The following POLR1B variants were observed in gnomAD, a reference collection of about 807,000 sequenced individuals.
The protein encoded by POLR1B is RNA polymerase I subunit B.
Under a neutral mutation model 105.8 loss-of-function variants are expected in POLR1B, and 30 were observed. The observed-to-expected ratio is 0.28, with a 90% CI of 0.21 to 0.38. POLR1B has a LOEUF of 0.38. POLR1B is among the 10% of genes least tolerant of loss of function. The probability of loss-of-function intolerance (pLI) is 1.00; values close to 1 mark genes in which losing one functional copy is unlikely to be tolerated. For synonymous variants in POLR1B, 485 were observed against 505.1 expected (o/e 0.96, Z 0.53); for missense variants, 976 against 1,435.8 (o/e 0.68, Z 5.17).
rs908311007 is a variant in POLR1B, at chr2:112,576,474, G to C, written c.*745G>C. 1.3e-5 allele frequency: 2 copies of C among 152,090 alleles called. No individual in the cohort carries two copies. Among genetic ancestry groups the C allele is most frequent in the African/African-American group, 4.8e-5 (2 of 41,392 alleles). The allele number at this position is 152,090 out of a possible 1,614,324, so 9.4% of individuals were successfully genotyped here. ...TACAACAGATCTTTAGACCTTACTT[G>C]TCTTGCATAACTGAAGCTTTATACC... On this transcript the variant is annotated 3_prime_UTR_variant, in exon 15 of 15. Transcript: ENST00000263331.
Position 112,572,692 on chromosome 2 carries a change from T to C in POLR1B, c.2205T>C (p.Tyr735=). ...SMYDYYDMDN[Y]PIGTNAIVAV... ...ATGATTATTATGACATGGATAACTA[T>C]CCAATTGGGACCAATGCCATCGTTG... Residue 735 remains tyrosine, a synonymous_variant, in exon 13 of 15, where the codon TAT becomes TAC. Transcript: ENST00000263331. The C allele has an allele frequency of 6.2e-7, 1 of 1,613,276 alleles. No individual in the cohort carries two copies. Among genetic ancestry groups the C allele is most frequent in the Non-Finnish European group, 8.5e-7 (1 of 1,179,660 alleles).
At chr2:112,567,749 A>C (rs1684367145) in intron 10 of POLR1B, among the ~76,000 whole-genome samples, 1 of 152,218 alleles carries the variant, frequency 6.6e-6, no homozygotes. Context: ...CACAGAGGAC[A>C]GAATTTCCTT....
chr2:112,574,862 T>G lies in POLR1B; in HGVS notation c.2541T>G (p.Cys847Trp). 6.2e-7 allele frequency: 1 copy of G among 1,607,910 alleles called. No homozygotes were observed. The highest frequency in any genetic ancestry group is 8.5e-7 in the Non-Finnish European group (1 of 1,174,970). ...FVMYYKSKEN[C>W]VVDNIKVCSN... ...TTTTTCCTAGGAGTAAAGAAAATTG[T>G]GTTGTGGATAACATCAAAGTGTGCA... Residue 847 changes from cysteine to tryptophan, a missense_variant, in exon 15 of 15, where the codon TGT becomes TGG. Transcript: ENST00000263331.
chr2:112,574,658 G>C (rs1684767231), intron 14 of POLR1B, among the ~76,000 whole-genome samples, 189 bp from the exon 15 acceptor site: 1 of 149,584 alleles, frequency 6.7e-6, no homozygotes, highest in Non-Finnish European at 1.5e-5. Context: ...GAAAGTCAAG[G>C]CTGCAGTGAG....
At chr2:112,568,658 GTCTT>G in intron 11 of POLR1B, 84 bp from the exon 12 acceptor site, 1 of 1,451,148 alleles carries the variant, frequency 6.9e-7, no homozygotes, top group East Asian at 2.3e-5. Flanking sequence ...TTTCTCTTGA[GTCTT>G]TGAGTACTGA....
In POLR1B at chr2:112,572,576, G is replaced by A; in HGVS notation, c.2089G>A (p.Gly697Ser). ...TCTCCATGTAGGTAAGCAAACTATG[G>A]GCTTTCCACTTCTCACTTATCAAGA... is the stretch of plus-strand genomic sequence containing the variant. ...YQCQMGKQTM[G>S]FPLLTYQDRS... Residue 697 changes from glycine (G) to serine (S), a missense_variant, in exon 13 of 15, where the codon GGC becomes AGC. Physicochemically the swap from Gly to Ser is moderately conservative, Grantham distance 56. Coordinates refer to ENST00000263331, the MANE Select transcript of POLR1B (RefSeq NM_019014.6). 3 of 1,578,326 alleles carry A rather than the reference G, an allele frequency of 1.9e-6. No individual in the cohort carries two copies. The highest frequency in any genetic ancestry group is 2.6e-6 in the Non-Finnish European group (3 of 1,162,502).
chr2:112,544,183 C>A (rs546864656), intron 1 of POLR1B, among the ~76,000 whole-genome samples: 1 of 151,994 alleles, frequency 6.6e-6, no homozygotes, highest in East Asian at 1.9e-4. Context: ...GTAATCCCTG[C>A]ACTTTGGGAG....
In POLR1B at chr2:112,579,208, C is replaced by CAAAAAAAAAAAAAAAAAAAAAA. The variant is rs56190123; in HGVS notation, c.*3490_*3511dup. Among the ~76,000 whole-genome samples the CAAAAAAAAAAAAAAAAAAAAAA allele has an allele frequency of 1.7e-5, 1 of 58,664 alleles. No homozygotes were observed. Among genetic ancestry groups the CAAAAAAAAAAAAAAAAAAAAAA allele is most frequent in the Non-Finnish European group, 2.8e-5 (1 of 35,214 alleles). The allele number at this position is 58,664 out of a possible 152,430, so 38.5% of individuals were successfully genotyped here. A position where few individuals can be genotyped will look rare whatever the true frequency, so the allele number is the denominator to read the frequency against. The stretch of plus-strand genomic sequence containing the variant: ...GGGCAACAGAGCAAGACTAGAGTCT[C>CAAAAAAAAAAAAAAAAAAAAAA]AAAAAAAAAAAAAAAAAAAAAAAAA... On this transcript the variant is annotated 3_prime_UTR_variant, in exon 15 of 15. Transcript: ENST00000263331.
In POLR1B at chr2:112,552,707, C is replaced by T. The variant is rs372536940; in HGVS notation, c.1049C>T (p.Thr350Met). 30 of 1,611,708 alleles carry T rather than the reference C, an allele frequency of 1.9e-5. No individual in the cohort carries two copies. Among genetic ancestry groups the T allele is most frequent in the African/African-American group, 5.4e-5 (4 of 74,644 alleles). Reference protein sequence around the residue: ...TEKFYMLCLMTRKLFALAKGE... With the variant: ...TEKFYMLCLMMRKLFALAKGE... ...AAGTTTTATATGCTTTGTCTCATGA[C>T]GCGAAAGCTCTTTGCTTTAGCCAAA... Residue 350 changes from threonine to methionine, a missense_variant, in exon 7 of 15, where the codon ACG becomes ATG. Thr to Met is a moderately conservative substitution (Grantham distance 81, BLOSUM62 -1). Around this residue, in one of 12 missense-constraint regions of POLR1B, gnomAD observed 452 missense variants for 616.5 expected, o/e 0.73. Coordinates refer to ENST00000263331, the MANE Select transcript of POLR1B (RefSeq NM_019014.6).
Position 112,564,483 on chromosome 2 carries a change from C to A in POLR1B, c.1730C>A (p.Ser577Tyr). The A allele has an allele frequency of 6.2e-7, 1 of 1,614,234 alleles. No homozygotes were observed. Among genetic ancestry groups the A allele is most frequent in the Non-Finnish European group, 8.5e-7 (1 of 1,180,038 alleles). The change falls in exon 10 of 15, where the codon TCT becomes TAT. Residue 577 changes from serine (S) to tyrosine (Y), a missense_variant. Around this residue, in one of 12 missense-constraint regions of POLR1B, gnomAD observed 184 missense variants for 197.4 expected, o/e 0.93. Transcript: ENST00000263331. ...DKDLAPGIAD[S>Y]LRHFKVLREK... is the part of the protein sequence containing the mutation. ...GATCTTGCTCCAGGCATCGCAGATT[C>A]TCTTCGTCATTTTAAGGTGGGCTTG...
chr2:112,542,601 A>G lies in POLR1B; in HGVS notation c.107A>G (p.Gln36Arg). Residue 36 changes from glutamine to arginine, a missense_variant, in exon 1 of 15, where the codon CAG becomes CGG. Physicochemically the swap from Gln to Arg is conservative, Grantham distance 43. Around this residue, in one of 12 missense-constraint regions of POLR1B, gnomAD observed 452 missense variants for 616.5 expected, o/e 0.73. Transcript: ENST00000263331. ...IPREQQKAAL[Q>R]ELTRAHVESF... is the part of the protein sequence containing the mutation. Reference sequence around the variant, plus strand: ...CGGGAACAGCAAAAGGCAGCGTTGCAGGAGCTGACGCGGGCGCACGTGGAG... The same window carrying G: ...CGGGAACAGCAAAAGGCAGCGTTGCGGGAGCTGACGCGGGCGCACGTGGAG... 1 of 1,614,180 alleles carries G rather than the reference A, an allele frequency of 6.2e-7. No homozygotes were observed.
rs56190123 is a variant in POLR1B at position 112,579,208 on chromosome 2, C to CAAAAAAAAAAAAAAAAAAAAAAAA, written c.*3488_*3511dup. On this transcript the variant is annotated 3_prime_UTR_variant, in exon 15 of 15. Transcript: ENST00000263331. ...GGGCAACAGAGCAAGACTAGAGTCT[C>CAAAAAAAAAAAAAAAAAAAAAAAA]AAAAAAAAAAAAAAAAAAAAAAAAA... 3.4e-5 allele frequency among the ~76,000 whole-genome samples: 2 copies of CAAAAAAAAAAAAAAAAAAAAAAAA among 58,664 alleles called. No homozygotes were observed. Among genetic ancestry groups the CAAAAAAAAAAAAAAAAAAAAAAAA allele is most frequent in the Non-Finnish European group, 5.7e-5 (2 of 35,214 alleles). The allele number at this position is 58,664 out of a possible 152,430, so 38.5% of individuals were successfully genotyped here.
intron 7 of POLR1B, among the ~76,000 whole-genome samples, chr2:112,556,295 T>G (rs1160870040): frequency 6.6e-6 from 1 of 152,252 alleles, no homozygotes; most frequent in Non-Finnish European, 1.5e-5. Flanking sequence ...GCTAACAGCT[T>G]CCTTCACTCC....
intron 6 of POLR1B, 92 bp from the exon 7 acceptor site, chr2:112,552,553 G>A: frequency 7.8e-7 from 1 of 1,280,818 alleles, no homozygotes; most frequent in Non-Finnish European, 1.1e-6. Flanking sequence ...TTAAAGTTAA[G>A]TAAGCATGAG....
intron 12 of POLR1B, among the ~76,000 whole-genome samples, chr2:112,570,332 G>A (rs1239865155): frequency 6.6e-6 from 1 of 152,166 alleles, no homozygotes; most frequent in East Asian, 1.9e-4. Context: ...ACAGGTGTGA[G>A]CCACTGCACC....
chr2:112,573,737 G>C lies in POLR1B; in HGVS notation c.2447G>C (p.Gly816Ala), dbSNP rs1574138933. 6.2e-7 allele frequency: 1 copy of C among 1,614,220 alleles called. No individual in the cohort carries two copies. Among genetic ancestry groups the C allele is most frequent in the Non-Finnish European group, 8.5e-7 (1 of 1,180,032 alleles). Reference sequence around the variant, plus strand: ...GATGACGATGGATTGCCGTTTATAGGAGCAAAACTGCAGTACGGAGATCCG... The same window carrying C: ...GATGACGATGGATTGCCGTTTATAGCAGCAAAACTGCAGTACGGAGATCCG... ...KLDDDGLPFI[G>A]AKLQYGDPYY... Residue 816 changes from glycine to alanine, a missense_variant, in exon 14 of 15, where the codon GGA becomes GCA. Physicochemically the swap from Gly to Ala is moderately conservative, Grantham distance 60 (BLOSUM62 0). This residue lies in a region of POLR1B where 119 missense variants were observed against 149.7 expected (regional missense o/e 0.79). Coordinates refer to ENST00000263331, the MANE Select transcript of POLR1B (RefSeq NM_019014.6).
rs749384903 is a variant in POLR1B at position 112,559,511 on chromosome 2, G to A, written c.1549G>A (p.Val517Ile). ...TGGCCTGATGAACCACCTAACTGCC[G>A]TATGTGAGGTTGTCACACAGTTTGT... The part of the protein sequence containing the change: ...PCGLMNHLTA[V>I]CEVVTQFVYT... The change falls in exon 9 of 15, where the codon GTA becomes ATA. Residue 517 changes from valine to isoleucine, a missense_variant. Physicochemically the swap from Val to Ile is conservative, Grantham distance 29. Around this residue, in one of 12 missense-constraint regions of POLR1B, gnomAD observed 184 missense variants for 197.4 expected, o/e 0.93. Coordinates refer to ENST00000263331, the MANE Select transcript of POLR1B (RefSeq NM_019014.6). 1.7e-5 allele frequency: 28 copies of A among 1,614,112 alleles called. No individual in the cohort carries two copies. The highest frequency in any genetic ancestry group is 1.3e-4 in the East Asian group (6 of 44,906).
intron 9 of POLR1B, among the ~76,000 whole-genome samples, chr2:112,559,951 T>G (rs1359811209): frequency 6.6e-6 from 1 of 152,088 alleles, no homozygotes; most frequent in East Asian, 1.9e-4. Context: ...GTTTTTAACC[T>G]GTTAAGTTGT....
intron 9 of POLR1B, 63 bp from the exon 10 acceptor site, chr2:112,564,303 A>G: frequency 6.3e-7 from 1 of 1,585,344 alleles, no homozygotes; most frequent in Admixed American, 1.7e-5. Context: ...CCCCATCTGG[A>G]GGGAATCTGG....
Sources: gnomAD v4.1 joint callset for allele counts (sites outside exome capture counted in the v4.1 genomes callset) on GRCh38, gnomAD v4.1.1 for gene constraint, gnomAD v4.1.1 regional missense constraint, MANE v1.5 for transcripts, NCBI Gene and HGNC (gene_info 2026-07-23, HGNC 2026-07-21) for gene names.